Variants in MROH2A observed in about 807,000 individuals in gnomAD.
MROH2A encodes the protein maestro heat like repeat family member 2A, also known as maestro heat-like repeat-containing protein family member 2A.
MROH2A carries 174 observed loss-of-function variants against 200.4 expected under a neutral mutation model. The ratio of observed to expected loss-of-function variants is 0.87; its 90% CI spans 0.77 to 0.98. The LOEUF (loss-of-function observed/expected upper bound fraction) is 0.98, where lower values mean the gene tolerates loss of function less well. MROH2A is among the 50% of genes least tolerant of loss of function. The probability of loss-of-function intolerance (pLI) is 0.00; values close to 1 mark genes in which losing one functional copy is unlikely to be tolerated. For missense variants in MROH2A, 2,045 were observed against 2,139.6 expected (o/e 0.96, Z 0.87); for synonymous variants, 829 against 840.4 (o/e 0.99, Z 0.23).
At position 233,833,228 on chromosome 2, in the gene MROH2A, G is replaced by A; in HGVS notation, c.4994G>A (p.Gly1665Glu). 6.5e-7 allele frequency: 1 copy of A among 1,550,120 alleles called. No homozygotes were observed. Among genetic ancestry groups the A allele is most frequent in the Non-Finnish European group, 8.7e-7 (1 of 1,146,874 alleles). ...LTVLDSCSQHGFLASPQGMS is the reference protein window; with the variant it reads ...LTVLDSCSQHEFLASPQGMS ...GTCTTGGATAGCTGTAGTCAGCATG[G>A]GTTTCTGGCTTCACCCCAAGGAATG... Residue 1665 changes from glycine (G) to glutamate (E), a missense_variant, in exon 42 of 42, where the codon GGG becomes GAG. This residue lies in a region of MROH2A where 1,201 missense variants were observed against 1,311.3 expected (regional missense o/e 0.92). Transcript: ENST00000389758.
At chr2:233,785,531 T>C (rs7596785) in intron 3 of MROH2A, among the ~76,000 whole-genome samples, 120,165 of 150,908 alleles carry the variant, frequency 0.8, 47,930 homozygotes, top group East Asian at 0.88. Context: ...GGGCCAACCA[T>C]GCCATGCAGG....
In MROH2A at chr2:233,804,074, G is replaced by A. The variant is rs939325017; in HGVS notation, c.1773G>A (p.Lys591=). ...RLLVLMSSPY[K]GEGRGIAMLN... is the part of the protein sequence containing the mutation. ...AGGTGCTGATGTCATCACCTTACAA[G>A]GGGGAGGGTCGTGGGATAGCCATGC... Residue 591 remains lysine, a synonymous_variant, in exon 17 of 42, where the codon AAG becomes AAA. Transcript: ENST00000389758. The A allele has an allele frequency of 2.6e-6, 4 of 1,550,420 alleles. No homozygotes were observed. The highest frequency in any genetic ancestry group is 2.0e-5 in the Admixed American group (1 of 50,992).
intron 26 of MROH2A, among the ~76,000 whole-genome samples, chr2:233,815,345 T>C (rs7596472): frequency 0.5 from 75,951 of 152,160 alleles, 19,317 homozygotes; most frequent in South Asian, 0.62. Flanking sequence ...AATATTTTCT[T>C]CTAGTCTGTG....
chr2:233,823,546 T>C lies in MROH2A; in HGVS notation c.4005-10T>C. On this transcript the variant is annotated splice_polypyrimidine_tract_variant and intron_variant, in intron 34 of 41. Transcript: ENST00000389758. ...CGCCTCCACGACCTGGCACTGTCTC[T>C]CCTCTGCAGGCTGTGCATGCAGCAC... 1 of 1,549,008 alleles carries C rather than the reference T, an allele frequency of 6.5e-7. No individual in the cohort carries two copies. Among genetic ancestry groups the C allele is most frequent in the Non-Finnish European group, 8.7e-7 (1 of 1,146,384 alleles).
rs539768172 is a variant in MROH2A at position 233,828,423 on chromosome 2, C to A, written c.4114-207C>A. 152 of 566,584 alleles carry A rather than the reference C, an allele frequency of 2.7e-4. No individual in the cohort carries two copies. In the Middle Eastern group the frequency reaches 2.9e-3, roughly 11 times the overall value. 35.1% of individuals were successfully genotyped at this position (566,584 alleles called of 1,614,324 possible). ...ACGTAACACTTATCTAGCATTCCCC[C>A]CATATTTCCTTATTAAATCCCCACA... On this transcript the variant is annotated intron_variant, in intron 35 of 41. Coordinates refer to ENST00000389758, the MANE Select transcript of MROH2A (RefSeq NM_001394639.1). The surrounding 1 kb of genome is among the most constrained non-coding windows in gnomAD (Gnocchi z 4.6).
chr2:233,815,010 A>C (rs1703418927), intron 26 of MROH2A, among the ~76,000 whole-genome samples: 1 of 152,248 alleles, frequency 6.6e-6, no homozygotes, highest in African/African-American at 2.4e-5. Flanking sequence ...GATCAAATTC[A>C]GGACATTTAA....
At position 233,828,575 on chromosome 2, in the gene MROH2A, G is replaced by A; in HGVS notation, c.4114-55G>A. The A allele has an allele frequency of 2.0e-6, 3 of 1,533,698 alleles. No homozygotes were observed. The highest frequency in any genetic ancestry group is 1.2e-5 in the South Asian group (1 of 82,862). ...TACCTCTCCTCCCACGTCCCACCTT[G>A]CTGCTGAGAAATGAGCCCGCCCTGG... On this transcript the variant is annotated intron_variant, in intron 35 of 41. Coordinates refer to ENST00000389758, the MANE Select transcript of MROH2A (RefSeq NM_001394639.1). This position sits in a 1 kb window ranked among gnomAD's most constrained non-coding sequence, Gnocchi z 4.6.
chr2:233,779,476 G>C (rs1700827836), intron 2 of MROH2A, 24 bp downstream of exon 2: 2 of 1,523,156 alleles, frequency 1.3e-6, no homozygotes, highest in South Asian at 2.4e-5. Context: ...CCACATTTCT[G>C]CTTTCCTGCC....
intron 5 of MROH2A, among the ~76,000 whole-genome samples, chr2:233,791,397 C>T (rs142868105): frequency 1.1e-3 from 165 of 152,218 alleles, no homozygotes; most frequent in African/African-American, 3.5e-3. Flanking sequence ...CCACTGGGAG[C>T]GTGTTGGCCT....
chr2:233,818,156 C>A lies in MROH2A; in HGVS notation c.3085+31C>A, dbSNP rs1468053101. 5 of 1,548,158 alleles carry A rather than the reference C, an allele frequency of 3.2e-6. No homozygotes were observed. In the Admixed American group the frequency reaches 9.8e-5, roughly 30 times the overall value. ...AGAGGGCAGGACATGAGGACCAGCT[C>A]CTCTGGGAGGGAGAGAGGGCTGACT... On this transcript the variant is annotated intron_variant, in intron 28 of 41. Transcript: ENST00000389758.
At chr2:233,808,045 A>T (rs1046773123) in intron 21 of MROH2A, among the ~76,000 whole-genome samples, 190 bp downstream of exon 21, 34 of 152,286 alleles carry the variant, frequency 2.2e-4, no homozygotes, top group South Asian at 8.3e-4. Flanking sequence ...GATCATCTTA[A>T]AAATGCAGGG....
At chr2:233,804,573 G>C in intron 18 of MROH2A, 26 bp downstream of exon 18, 1 of 1,550,818 alleles carries the variant, frequency 6.4e-7, no homozygotes. Context: ...GTTTGCTGAG[G>C]CCTGGGAGGA....
At chr2:233,812,908 C>T (rs181617683) in intron 24 of MROH2A, among the ~76,000 whole-genome samples, 2 of 152,316 alleles carry the variant, frequency 1.3e-5, no homozygotes, top group East Asian at 3.9e-4. Context: ...GAGTGTAATA[C>T]AAGACACTTT....
At position 233,795,961 on chromosome 2, in the gene MROH2A, C is replaced by T. The variant is rs1076454; in HGVS notation, c.1060-6C>T. On this transcript the variant is annotated splice_polypyrimidine_tract_variant and splice_region_variant and intron_variant, in intron 9 of 41. Transcript: ENST00000389758. ...TCCTCCAGCCTCACTGCACGTCCCT[C>T]ACCAGGTGTGCAACAAGGCCCCGGC... 172,471 of 1,549,924 alleles carry T rather than the reference C, an allele frequency of 0.11. 11,456 individuals carry two copies. Among genetic ancestry groups the T allele is most frequent in the South Asian group, 0.26 (21,461 of 84,002 alleles).
Position 233,823,651 on chromosome 2 carries a change from G to A in MROH2A, c.4100G>A (p.Ser1367Asn), listed in dbSNP as rs1416807618. The change falls in exon 35 of 42, where the codon AGC becomes AAC. Residue 1367 changes from serine (S) to asparagine (N), a missense_variant. Transcript: ENST00000389758. ...GAAGTCCTGAGCTGCCGCATCAGCAGCACAGCGGTCTGCGTGGAAATGAGG... is the reference window on the plus strand; with the variant it reads ...GAAGTCCTGAGCTGCCGCATCAGCAACACAGCGGTCTGCGTGGAAATGAGG... ...DSEVLSCRIS[S>N]TAVCFMSGPV... is the part of the protein sequence containing the mutation. The A allele has an allele frequency of 1.3e-6, 2 of 1,550,314 alleles. No individual in the cohort carries two copies. Among genetic ancestry groups the A allele is most frequent in the Admixed American group, 3.9e-5 (2 of 50,990 alleles).
Position 233,820,121 on chromosome 2 carries a change from C to A in MROH2A, c.3512+65C>A, listed in dbSNP as rs1559476813. The stretch of plus-strand genomic sequence containing the variant: ...ATTTGACCATGCCCAACTCACCACC[C>A]CGATGTGTCCCAGAAGCCTGGAGCC... On this transcript the variant is annotated intron_variant, in intron 31 of 41. Transcript: ENST00000389758. The surrounding 1 kb of genome is among the most constrained non-coding windows in gnomAD (Gnocchi z 4.1). The A allele has an allele frequency of 7.2e-7, 1 of 1,380,220 alleles. No homozygotes were observed. Among genetic ancestry groups the A allele is most frequent in the Non-Finnish European group, 9.6e-7 (1 of 1,038,684 alleles). The allele number at this position is 1,380,220 out of a possible 1,614,324, so 85.5% of individuals were successfully genotyped here. A position where few individuals can be genotyped will look rare whatever the true frequency, so the allele number is the denominator to read the frequency against.
Position 233,833,249 on chromosome 2 carries a change from G to A in MROH2A, c.5015G>A (p.Gly1672Glu), listed in dbSNP as rs1704910162. Residue 1672 changes from glycine to glutamate, a missense_variant, in exon 42 of 42, where the codon GGA becomes GAA. Transcript: ENST00000389758. ...CATGGGTTTCTGGCTTCACCCCAAG[G>A]AATGTCCTAGGTGGTCCAAACATAA... The part of the protein sequence containing the change: ...SQHGFLASPQ[G>E]MS The A allele has an allele frequency of 1.3e-6, 2 of 1,548,872 alleles. No individual in the cohort carries two copies. The highest frequency in any genetic ancestry group is 2.7e-5 in the African/African-American group (2 of 73,018).
At chr2:233,803,578 G>T in intron 16 of MROH2A, 90 bp downstream of exon 16, 1 of 1,403,484 alleles carries the variant, frequency 7.1e-7, no homozygotes, top group Non-Finnish European at 9.8e-7. Context: ...AGAGCCCCAG[G>T]GGTATGAGGA....
At chr2:233,808,574 C>T (rs1184373095) in intron 21 of MROH2A, among the ~76,000 whole-genome samples, 1 of 152,216 alleles carries the variant, frequency 6.6e-6, no homozygotes, top group Non-Finnish European at 1.5e-5. Flanking sequence ...AGCTTTTCTG[C>T]AAAGAGGACC....
Sources: allele counts gnomAD v4.1 joint callset (sites outside exome capture counted in the v4.1 genomes callset), GRCh38; gene constraint gnomAD v4.1.1; regional missense constraint gnomAD v4.1.1; non-coding constraint Gnocchi (gnomAD v3.1); transcripts MANE v1.5; gene names NCBI Gene and HGNC (gene_info 2026-07-23, HGNC 2026-07-21).